Variants in SIX4 observed in about 807,000 individuals in gnomAD.
SIX4 encodes homeobox protein SIX4.
SIX4 carries 23 observed loss-of-function variants against 51.5 expected under a neutral mutation model. That is an observed-to-expected ratio of 0.45 (90% CI 0.32 to 0.63). The LOEUF (loss-of-function observed/expected upper bound fraction) is 0.63. SIX4 is among the 30% of genes least tolerant of loss of function. The probability of loss-of-function intolerance (pLI) is 0.04; values close to 1 mark genes in which losing one functional copy is unlikely to be tolerated. For missense variants in SIX4, 867 were observed against 984.0 expected, an observed-to-expected ratio of 0.88 and a Z score of 1.59; for synonymous variants, 413 against 417.3, an observed-to-expected ratio of 0.99 and a Z score of 0.13.
rs3742636 is a variant in SIX4 at position 60,713,939 on chromosome 14, T to G, written c.1814A>C (p.His605Pro). 0.69 allele frequency: 1,118,176 copies of G among 1,613,676 alleles called. 389,340 individuals are homozygous for G. The highest frequency in any genetic ancestry group is 0.76 in the Admixed American group (45,709 of 59,994). ...ATTAACTAATGAGGAGGCCAGTGGA[T>G]GCAGGCCACTCCCCGAGATGTTTTC... ...SSENISGSGL[H>P]PLASSLVNVS... The change falls in exon 3 of 3, where the codon CAT becomes CCT. Residue 605 changes from histidine to proline, a missense_variant. By Grantham distance (77) the His-to-Pro change is moderately conservative (BLOSUM62 -2). Coordinates refer to ENST00000216513, the MANE Select transcript of SIX4 (RefSeq NM_017420.5).
rs1301650394 is a variant in SIX4, at chr14:60,710,292, C to T, written c.*3115G>A. On this transcript the variant is annotated 3_prime_UTR_variant, in exon 3 of 3. Transcript: ENST00000216513. Reference sequence around the variant, plus strand: ...TAATATCTACCTGCCTTTCATAACACAAGAAAGGCACTGAAACGTGTACAA... The same window carrying T: ...TAATATCTACCTGCCTTTCATAACATAAGAAAGGCACTGAAACGTGTACAA... The T allele has an allele frequency of 6.6e-6, 1 of 152,598 alleles. No individual in the cohort carries two copies. The highest frequency in any genetic ancestry group is 2.4e-5 in the African/African-American group (1 of 41,426). The allele number at this position is 152,598 out of a possible 1,614,324, so 9.5% of individuals were successfully genotyped here.
Position 60,710,897 on chromosome 14 carries a change from G to C in SIX4, c.*2510C>G, listed in dbSNP as rs377352062. ...GGTGGGAATATGAATGGGTTTCCTA[G>C]GTAAGTCTTAAGTTTTGTGCTATCT... is the stretch of plus-strand genomic sequence containing the variant. On this transcript the variant is annotated 3_prime_UTR_variant, in exon 3 of 3. Coordinates refer to ENST00000216513, the MANE Select transcript of SIX4 (RefSeq NM_017420.5). 2.0e-5 allele frequency: 3 copies of C among 152,370 alleles called. No individual in the cohort carries two copies. The highest frequency in any genetic ancestry group is 1.9e-4 in the East Asian group (1 of 5,192). 9.4% of individuals were successfully genotyped at this position (152,370 alleles called of 1,614,324 possible).
intron 2 of SIX4, among the ~76,000 whole-genome samples, chr14:60,715,151 T>G (rs1381257910): frequency 6.6e-6 from 1 of 152,080 alleles, no homozygotes; most frequent in African/African-American, 2.4e-5. Context: ...AAAAAAATCT[T>G]TTCCAAGTTC....
At chr14:60,716,127 A>G (rs1895916356) in intron 2 of SIX4, among the ~76,000 whole-genome samples, 1 of 151,554 alleles carries the variant, frequency 6.6e-6, no homozygotes, top group South Asian at 2.1e-4. Flanking sequence ...CGGTCTCCCA[A>G]AGTGCTGGGA....
At position 60,713,116 on chromosome 14, in the gene SIX4, G is replaced by T; in HGVS notation, c.*291C>A. On this transcript the variant is annotated 3_prime_UTR_variant, in exon 3 of 3. Transcript: ENST00000216513. ...ACTATCAAGTTCCATTTTGACCTTA[G>T]AATTATAGAGTCAACTAAATGATTC... 1 of 268,266 alleles carries T rather than the reference G, an allele frequency of 3.7e-6. No individual in the cohort carries two copies. Among genetic ancestry groups the T allele is most frequent in the Non-Finnish European group, 6.9e-6 (1 of 144,258 alleles). The allele number at this position is 268,266 out of a possible 1,614,324, so 16.6% of individuals were successfully genotyped here.
chr14:60,718,205 C>A (rs1413050297), intron 2 of SIX4, among the ~76,000 whole-genome samples: 2 of 152,106 alleles, frequency 1.3e-5, no homozygotes, highest in Admixed American at 6.5e-5. Context: ...TTATTGAGAA[C>A]TGCAATACCT....
Position 60,723,795 on chromosome 14 carries a change from G to T in SIX4, c.280C>A (p.His94Asn). The T allele has an allele frequency of 6.5e-7, 1 of 1,537,238 alleles. No homozygotes were observed. The highest frequency in any genetic ancestry group is 8.7e-7 in the Non-Finnish European group (1 of 1,147,754). ...GCGGCGGCGGCGGCGGCGTGGTGGTGCCTGCCCAGAAGTTCCGAGTGGAGT... is the reference window on the plus strand; with the variant it reads ...GCGGCGGCGGCGGCGGCGTGGTGGTTCCTGCCCAGAAGTTCCGAGTGGAGT... ...VQLHSELLGRHHHAAAAAAQT... is the reference protein window; with the variant it reads ...VQLHSELLGRNHHAAAAAAQT... Residue 94 changes from histidine (H) to asparagine (N), a missense_variant, in exon 1 of 3, where the codon CAC becomes AAC. Transcript: ENST00000216513.
rs890827477 is a variant in SIX4 at position 60,722,855 on chromosome 14, T to G, written c.863+357A>C. 6.6e-6 allele frequency among the ~76,000 whole-genome samples: 1 copy of G among 151,712 alleles called. No homozygotes were observed. The highest frequency in any genetic ancestry group is 2.4e-5 in the African/African-American group (1 of 41,288). On this transcript the variant is annotated intron_variant, in intron 1 of 2. Transcript: ENST00000216513. This position sits in a 1 kb window ranked among gnomAD's most constrained non-coding sequence, Gnocchi z 5.9. ...CTACGGTGCCGGTGTCCACATTTGC[T>G]TCGTTAGCCCCTCCAGAAACGGGGA...
chr14:60,713,613 C>G lies in SIX4; in HGVS notation c.2140G>C (p.Val714Leu), dbSNP rs752912449. The G allele has an allele frequency of 6.2e-7, 1 of 1,614,104 alleles. No homozygotes were observed. Among genetic ancestry groups the G allele is most frequent in the African/African-American group, 1.3e-5 (1 of 74,936 alleles). Residue 714 changes from valine to leucine, a missense_variant, in exon 3 of 3, where the codon GTT (valine) becomes CTT (leucine). Transcript: ENST00000216513. ...TTCATGTTAGCTACCGATTGCAGAA[C>G]CAAACGATGTTCTTGGACAAAATCC... ...HQDFVQEHRL[V>L]LQSVANMKEN...
rs1282903361 is a variant in SIX4, at chr14:60,713,877, T to C, written c.1876A>G (p.Thr626Ala). The C allele has an allele frequency of 2.5e-6, 4 of 1,614,028 alleles. No homozygotes were observed. Among genetic ancestry groups the C allele is most frequent in the Non-Finnish European group, 3.4e-6 (4 of 1,180,042 alleles). The change falls in exon 3 of 3, where the codon ACA becomes GCA. Residue 626 changes from threonine to alanine, a missense_variant. Thr to Ala is a moderately conservative substitution (Grantham distance 58). Coordinates refer to ENST00000216513, the MANE Select transcript of SIX4 (RefSeq NM_017420.5). ...PTHNFSLSPS[T>A]LLNPTELNRD... Reference sequence around the variant, plus strand: ...TTTAGCTCAGTGGGATTTAGTAGTGTAGAGGGACTGAGAGAAAAATTGTGA... The same window carrying C: ...TTTAGCTCAGTGGGATTTAGTAGTGCAGAGGGACTGAGAGAAAAATTGTGA...
intron 2 of SIX4, among the ~76,000 whole-genome samples, chr14:60,716,115 C>T (rs544912464): frequency 1.3e-5 from 2 of 152,014 alleles, no homozygotes; most frequent in South Asian, 4.2e-4. Context: ...ATCTGCCAGC[C>T]TCGGTCTCCC....
At chr14:60,718,734 T>C (rs542048885) in intron 2 of SIX4, among the ~76,000 whole-genome samples, 10 of 152,350 alleles carry the variant, frequency 6.6e-5, no homozygotes, top group African/African-American at 2.2e-4. Context: ...GAATGAAATT[T>C]AGAACAATTT....
chr14:60,714,172 A>T lies in SIX4; in HGVS notation c.1581T>A (p.Asp527Glu), dbSNP rs144758266. The T allele has an allele frequency of 6.2e-7, 1 of 1,605,070 alleles. No individual in the cohort carries two copies. Residue 527 changes from aspartate (D) to glutamate (E), a missense_variant, in exon 3 of 3, where the codon GAT becomes GAA. By Grantham distance (45) the Asp-to-Glu change is conservative. Coordinates refer to ENST00000216513, the MANE Select transcript of SIX4 (RefSeq NM_017420.5). Reference protein sequence around the residue: ...GNISVSSSTSDGSTFTSESTT... With the variant: ...GNISVSSSTSEGSTFTSESTT... ...TAGACTCACTTGTAAATGTGCTTCCATCTGAAGTGCTTGAGCTTACTGAGA... is the reference window on the plus strand; with the variant it reads ...TAGACTCACTTGTAAATGTGCTTCCTTCTGAAGTGCTTGAGCTTACTGAGA...
chr14:60,717,067 T>A lies in SIX4; in HGVS notation c.1549+2693A>T. The A allele has an allele frequency of 3.2e-6, 1 of 309,014 alleles. No homozygotes were observed. The highest frequency in any genetic ancestry group is 6.3e-6 in the Non-Finnish European group (1 of 159,408). The allele number at this position is 309,014 out of a possible 1,614,324, so 19.1% of individuals were successfully genotyped here. A position where few individuals can be genotyped will look rare whatever the true frequency, so the allele number is the denominator to read the frequency against. On this transcript the variant is annotated intron_variant, in intron 2 of 2. Transcript: ENST00000216513. This position sits in a 1 kb window ranked among gnomAD's most constrained non-coding sequence, Gnocchi z 4.6. ...AAGTATGCTTTAAAACTCTTATTTT[T>A]ATTTATTTATTTATTTATTTTTGAG...
chr14:60,723,076 G>A (rs1419143453), intron 1 of SIX4, 136 bp downstream of exon 1: 4 of 1,413,226 alleles, frequency 2.8e-6, no homozygotes, highest in Admixed American at 6.3e-5. Flanking sequence ...AGCGAGGTAG[G>A]GGGCGGGGAG....
In SIX4 at chr14:60,719,026, G is replaced by C. The variant is rs1461760266; in HGVS notation, c.1549+734C>G. On this transcript the variant is annotated intron_variant, in intron 2 of 2. Coordinates refer to ENST00000216513, the MANE Select transcript of SIX4 (RefSeq NM_017420.5). The surrounding 1 kb of genome is among the most constrained non-coding windows in gnomAD (Gnocchi z 4.9). ...ATTTCTTTAAAGAGAAAATGACATA[G>C]AGGATCCAGGCTTGCTTAAAGTCAG... Among the ~76,000 whole-genome samples, 1 of 152,168 alleles carries C rather than the reference G, an allele frequency of 6.6e-6. No homozygotes were observed. Among genetic ancestry groups the C allele is most frequent in the African/African-American group, 2.4e-5 (1 of 41,450 alleles).
rs542258465 is a variant in SIX4 at position 60,719,021 on chromosome 14, A to G, written c.1549+739T>C. Among the ~76,000 whole-genome samples, 155 of 152,356 alleles carry G rather than the reference A, an allele frequency of 1.0e-3. No individual in the cohort carries two copies. The South Asian group carries it at 0.028, about 27-fold the overall frequency. On this transcript the variant is annotated intron_variant, in intron 2 of 2. Transcript: ENST00000216513. The surrounding 1 kb of genome is among the most constrained non-coding windows in gnomAD (Gnocchi z 4.9). ...TTTCTATTTCTTTAAAGAGAAAATG[A>G]CATAGAGGATCCAGGCTTGCTTAAA... is the stretch of plus-strand genomic sequence containing the variant.
chr14:60,717,094 T>C lies in SIX4; in HGVS notation c.1549+2666A>G. On this transcript the variant is annotated intron_variant, in intron 2 of 2. Coordinates refer to ENST00000216513, the MANE Select transcript of SIX4 (RefSeq NM_017420.5). The surrounding 1 kb of genome is among the most constrained non-coding windows in gnomAD (Gnocchi z 4.6). ...TTTATTTATTTATTTATTTTTGAGA[T>C]AAGGGGTTTTGCTCTTGTTGCCCAG... 1 of 324,032 alleles carries C rather than the reference T, an allele frequency of 3.1e-6. No homozygotes were observed. The highest frequency in any genetic ancestry group is 3.8e-5 in the Admixed American group (1 of 26,510). The allele number at this position is 324,032 out of a possible 1,614,324, so 20.1% of individuals were successfully genotyped here.
rs1486247996 is a variant in SIX4, at chr14:60,720,487, G to C, written c.864-42C>G. ...ATCAAAATGTTCAGAAGGTCAGGGG[G>C]ATGACATTCTACACAGTGCCACTTG... On this transcript the variant is annotated intron_variant, in intron 1 of 2. Coordinates refer to ENST00000216513, the MANE Select transcript of SIX4 (RefSeq NM_017420.5). The surrounding 1 kb of genome is among the most constrained non-coding windows in gnomAD (Gnocchi z 5.5). The C allele has an allele frequency of 6.4e-7, 1 of 1,558,994 alleles. No homozygotes were observed. Among genetic ancestry groups the C allele is most frequent in the East Asian group, 2.2e-5 (1 of 44,646 alleles).
Sources: gnomAD v4.1 joint callset for allele counts (sites outside exome capture counted in the v4.1 genomes callset) on GRCh38, gnomAD v4.1.1 for gene constraint, Gnocchi (gnomAD v3.1) non-coding constraint, MANE v1.5 for transcripts, NCBI Gene and HGNC (gene_info 2026-07-23, HGNC 2026-07-21) for gene names.